The following PCDH11X variants were observed in gnomAD, a reference collection of about 807,000 sequenced individuals.
The protein encoded by PCDH11X is protocadherin-11 X-linked.
Under a neutral mutation model 53.3 loss-of-function variants are expected in PCDH11X, and 18 were observed. The observed-to-expected ratio is 0.34, with a 90% confidence interval of 0.23 to 0.50. The LOEUF (loss-of-function observed/expected upper bound fraction) is 0.50, where lower values mean the gene tolerates loss of function less well. Ranked by LOEUF, PCDH11X falls within the 20% of genes least tolerant of loss-of-function variation. PCDH11X has a pLI of 0.98. For missense variants in PCDH11X, 570 were observed against 1,032.4 expected (o/e 0.55, Z 6.14); for synonymous variants, 279 against 393.3 (o/e 0.71, Z 3.44).
At chrX:92,293,421 G>A (rs1251034909) in intron 8 of PCDH11X, among the ~76,000 whole-genome samples, 3 of 109,768 alleles carry the variant, frequency 2.7e-5, no homozygotes, top group Non-Finnish European at 5.7e-5. Flanking sequence ...TCAGGAGATC[G>A]AGACCATCCT....
intron 10 of PCDH11X, among the ~76,000 whole-genome samples, chrX:92,487,104 A>G (rs1489807715): frequency 1.2e-5 from 1 of 86,815 alleles, no homozygotes; most frequent in Non-Finnish European, 2.2e-5. Context: ...CCAGGCTACA[A>G]TGCAATGGCA....
At chrX:92,399,070 G>A (rs1318983261) in intron 9 of PCDH11X, among the ~76,000 whole-genome samples, 1 of 108,042 alleles carries the variant, frequency 9.3e-6, no homozygotes, top group Non-Finnish European at 1.9e-5. Context: ...GTGGGCGCCT[G>A]TGGTCCCAGC....
intron 6 of PCDH11X, among the ~76,000 whole-genome samples, chrX:92,080,811 A>G (rs931117652): frequency 1.8e-5 from 2 of 111,559 alleles, no homozygotes; most frequent in Non-Finnish European, 3.8e-5. Flanking sequence ...TGAAAATATG[A>G]CAAGGCAAAG....
chrX:91,779,771 G>T (rs1935061276), intron 1 of PCDH11X, 87 bp downstream of exon 1: 1 of 104,201 alleles, frequency 9.6e-6, no homozygotes, highest in African/African-American at 3.5e-5. Flanking sequence ...CCCGCTGCCT[G>T]CCCCTGAGGT....
intron 6 of PCDH11X, among the ~76,000 whole-genome samples, chrX:92,111,253 C>CAAAAAAAAAAA: frequency 1.9e-5 from 1 of 52,401 alleles, no homozygotes; most frequent in Non-Finnish European, 3.0e-5. Context: ...AAAAAAAAAT[C>CAAAAAAAAAAA]AGCGTCAACT....
At chrX:91,942,371 G>A (rs920538092) in intron 6 of PCDH11X, among the ~76,000 whole-genome samples, 1 of 110,385 alleles carries the variant, frequency 9.1e-6, no homozygotes. Context: ...AATGAGAGAA[G>A]TGACATCACT....
At chrX:92,408,700 A>G (rs1381399192) in intron 9 of PCDH11X, among the ~76,000 whole-genome samples, 1 of 110,621 alleles carries the variant, frequency 9.0e-6, no homozygotes, top group Non-Finnish European at 1.9e-5. Context: ...CTCCTGCCTC[A>G]GCCTCCTCAG....
At chrX:91,854,777 G>C (rs1938229851) in intron 5 of PCDH11X, among the ~76,000 whole-genome samples, 1 of 111,534 alleles carries the variant, frequency 9.0e-6, no homozygotes, top group Admixed American at 9.5e-5. Flanking sequence ...ATGCCTGTTT[G>C]CCATTTGTAT....
At chrX:92,091,932 C>A (rs2064055927) in intron 6 of PCDH11X, among the ~76,000 whole-genome samples, 1 of 111,656 alleles carries the variant, frequency 9.0e-6, no homozygotes. Flanking sequence ...AAAGAAGATT[C>A]TCTATATAAT....
At chrX:91,886,970 C>CAAAAAAA (rs1179014012) in intron 6 of PCDH11X, among the ~76,000 whole-genome samples, 10 of 50,636 alleles carry the variant, frequency 2.0e-4, no homozygotes, top group African/African-American at 9.4e-4. Flanking sequence ...GACTCCATCT[C>CAAAAAAA]AAAAAAAAAA....
intron 8 of PCDH11X, among the ~76,000 whole-genome samples, chrX:92,267,767 T>A (rs2067865021): frequency 8.9e-6 from 1 of 112,452 alleles, no homozygotes; most frequent in Non-Finnish European, 1.9e-5. Flanking sequence ...AGAAATGTAT[T>A]TCTTACAGTG....
At chrX:92,186,286 C>T (rs2066091955) in intron 6 of PCDH11X, among the ~76,000 whole-genome samples, 1 of 111,699 alleles carries the variant, frequency 9.0e-6, no homozygotes, top group Non-Finnish European at 1.9e-5. Context: ...AGCATGTTCT[C>T]ATTCATATGT....
At chrX:92,135,470 A>G (rs1379333587) in intron 6 of PCDH11X, among the ~76,000 whole-genome samples, 4 of 110,683 alleles carry the variant, frequency 3.6e-5, no homozygotes, top group African/African-American at 1.3e-4. Flanking sequence ...AAAAGATTCT[A>G]TGTGGTAGGC....
Position 91,898,544 on chromosome X carries a change from T to C in PCDH11X, c.3033+19271T>C, listed in dbSNP as rs368811671. ...GATATAAAGTTTTGTCTTCTAATGA[T>C]AGTGAAAATTACTGACAATATTGAC... On this transcript the variant is annotated intron_variant, in intron 6 of 10. Coordinates refer to ENST00000682573, the MANE Select transcript of PCDH11X (RefSeq NM_032968.5). Among the ~76,000 whole-genome samples the C allele has an allele frequency of 6.4e-5, 7 of 108,995 alleles. No individual in the cohort carries two copies. In the South Asian group the frequency reaches 2.9e-3, roughly 45 times the overall value. 94.6% of individuals were successfully genotyped at this position (108,995 alleles called of 115,157 possible).
intron 7 of PCDH11X, among the ~76,000 whole-genome samples, chrX:92,251,907 C>A (rs1183659934): frequency 9.0e-6 from 1 of 110,975 alleles, no homozygotes; most frequent in African/African-American, 3.3e-5. Flanking sequence ...GTCATGTTAT[C>A]TTTATTGTTA....
chrX:92,399,908 A>AT (rs397961081), intron 9 of PCDH11X, among the ~76,000 whole-genome samples: 12,976 of 91,326 alleles, frequency 0.14, 1,558 homozygotes, highest in East Asian at 0.67. Flanking sequence ...CGCCCGGCTA[A>AT]TTTTTTTTTT....
At position 92,459,746 on chromosome X, in the gene PCDH11X, G is replaced by A. The variant is rs1430469083; in HGVS notation, c.3344-8553G>A. The A allele has an allele frequency of 1.2e-4, 134 of 1,125,287 alleles. 1 individual carries two copies. The African/African-American group carries it at 1.5e-3, about 12-fold the overall frequency. 92.7% of individuals were successfully genotyped at this position (1,125,287 alleles called of 1,213,427 possible). ...GTCCAGGCGCCCAGCTACGGCGCCC[G>A]GCCGGTCAGCAGCGCGGCCAGCGTC... On this transcript the variant is annotated intron_variant, in intron 9 of 10. Transcript: ENST00000682573.
intron 6 of PCDH11X, among the ~76,000 whole-genome samples, chrX:92,041,876 G>A (rs2148031747): frequency 9.0e-6 from 1 of 111,692 alleles, no homozygotes; most frequent in Admixed American, 9.5e-5. Context: ...GGCTGAAGCA[G>A]GAGAATCGCT....
rs1186680795 is a variant in PCDH11X at position 92,617,316 on chromosome X, C to T, written c.3368-948C>T. ...TTTACTGATTTTCTATTTTTTCCAT[C>T]AAGTTCTAAGGAGTATTGTAGTCTC... On this transcript the variant is annotated intron_variant, in intron 10 of 10. Coordinates refer to ENST00000682573, the MANE Select transcript of PCDH11X (RefSeq NM_032968.5). 3.6e-5 allele frequency among the ~76,000 whole-genome samples: 4 copies of T among 111,656 alleles called. No homozygotes were observed. The Admixed American group carries it at 3.8e-4, about 11-fold the overall frequency.
Sources: allele counts gnomAD v4.1 joint callset (sites outside exome capture counted in the v4.1 genomes callset), GRCh38; gene constraint gnomAD v4.1.1; transcripts MANE v1.5; gene names NCBI Gene and HGNC (gene_info 2026-07-23, HGNC 2026-07-21).